The following JAK1 variants were observed in gnomAD, a reference collection of about 807,000 sequenced individuals.
The protein encoded by JAK1 is tyrosine-protein kinase JAK1.
Under a neutral mutation model 136.6 loss-of-function variants are expected in JAK1, and 16 were observed. The observed-to-expected ratio is 0.12, with a 90% CI of 0.08 to 0.18. JAK1 has a LOEUF of 0.18. Among genes scored for constraint, JAK1 ranks in the 10% least tolerant of loss-of-function variants. JAK1 has a pLI of 1.00. For missense variants in JAK1, 859 were observed against 1,450.1 expected, an observed-to-expected ratio of 0.59 and a Z score of 6.62; for synonymous variants, 492 against 519.5, an observed-to-expected ratio of 0.95 and a Z score of 0.72.
rs564635163 is a variant in JAK1 at position 64,855,712 on chromosome 1, G to A, written c.1459-14C>T. On this transcript the variant is annotated splice_polypyrimidine_tract_variant and intron_variant, in intron 10 of 24. Coordinates refer to ENST00000342505, the MANE Select transcript of JAK1 (RefSeq NM_002227.4). ...ACCCTGCACCTGCTATTCGGGAAAT[G>A]ACCAGAAATTACATGTTTAAAATGG... is the stretch of plus-strand genomic sequence containing the variant. 50 of 1,606,808 alleles carry A rather than the reference G, an allele frequency of 3.1e-5. No homozygotes were observed. The South Asian group carries it at 4.7e-4, about 15-fold the overall frequency.
intron 1 of JAK1, among the ~76,000 whole-genome samples, chr1:65,045,461 C>T (rs752358903): frequency 4.6e-5 from 7 of 152,100 alleles, no homozygotes; most frequent in Non-Finnish European, 8.8e-5. Context: ...CAAAAACCTT[C>T]TCTGTGATGT....
At chr1:64,950,573 C>T (rs1024113593) in intron 1 of JAK1, among the ~76,000 whole-genome samples, 6 of 152,162 alleles carry the variant, frequency 3.9e-5, no homozygotes, top group Admixed American at 2.6e-4. Context: ...GCTAGCCATC[C>T]GGCCAGCCCT....
intron 2 of JAK1, among the ~76,000 whole-genome samples, chr1:65,001,940 T>C (rs1267889631): frequency 6.6e-6 from 1 of 151,952 alleles, no homozygotes; most frequent in Non-Finnish European, 1.5e-5. Context: ...TTAAGGAGCG[T>C]GAGTGCCCTG....
At chr1:64,966,117 G>A (rs1646371976) in intron 1 of JAK1, among the ~76,000 whole-genome samples, 1 of 151,758 alleles carries the variant, frequency 6.6e-6, no homozygotes, top group African/African-American at 2.4e-5. Flanking sequence ...CCCGCCCGGC[G>A]ACCTCCTCGC....
intron 2 of JAK1, among the ~76,000 whole-genome samples, chr1:64,994,621 C>T (rs567873462): frequency 1.3e-5 from 2 of 152,008 alleles, no homozygotes; most frequent in African/African-American, 2.4e-5. Flanking sequence ...CCAAACACCT[C>T]TGATTAGGCT....
chr1:65,055,658 T>C (rs951387725), intron 1 of JAK1, among the ~76,000 whole-genome samples: 8 of 152,200 alleles, frequency 5.3e-5, no homozygotes, highest in African/African-American at 1.9e-4. Context: ...AAAAACCCCA[T>C]TGGATCTGTC....
At chr1:64,851,022 C>G in intron 11 of JAK1, 112 bp from the exon 12 acceptor site, 1 of 713,888 alleles carries the variant, frequency 1.4e-6, no homozygotes, top group Non-Finnish European at 2.5e-6. Flanking sequence ...CTTGCTGCTT[C>G]AGTCATTCGA....
chr1:64,965,996 G>T (rs1212603617), intron 1 of JAK1, among the ~76,000 whole-genome samples: 1 of 151,956 alleles, frequency 6.6e-6, no homozygotes, highest in East Asian at 1.9e-4. Context: ...ATCTCGGGGT[G>T]GTATAAACAG....
intron 2 of JAK1, among the ~76,000 whole-genome samples, chr1:65,021,910 A>G (rs1646941049): frequency 6.6e-6 from 1 of 152,224 alleles, no homozygotes; most frequent in African/African-American, 2.4e-5. Flanking sequence ...CCTGACTTTC[A>G]GACTCATTTG....
intron 1 of JAK1, among the ~76,000 whole-genome samples, chr1:64,901,883 T>C (rs1333023022): frequency 6.6e-6 from 1 of 152,222 alleles, no homozygotes; most frequent in Non-Finnish European, 1.5e-5. Flanking sequence ...AATGTGTGTG[T>C]CTGGCTTCTT....
At chr1:64,837,716 T>G (rs778056891) in intron 22 of JAK1, among the ~76,000 whole-genome samples, 1 of 152,240 alleles carries the variant, frequency 6.6e-6, no homozygotes, top group Non-Finnish European at 1.5e-5. Context: ...CGGTGTCATA[T>G]GAAGCTCAGT....
intron 2 of JAK1, among the ~76,000 whole-genome samples, chr1:65,039,597 T>G (rs996543950): frequency 1.3e-5 from 2 of 152,188 alleles, no homozygotes; most frequent in Admixed American, 6.5e-5. Context: ...TATTCTACTA[T>G]GGCTTCTCTC....
intron 2 of JAK1, among the ~76,000 whole-genome samples, chr1:64,883,845 A>G (rs1260290393): frequency 6.6e-6 from 1 of 152,154 alleles, no homozygotes; most frequent in Non-Finnish European, 1.5e-5. Flanking sequence ...ATGTTAAAGG[A>G]CTGATTATTA....
At chr1:65,061,040 A>G (rs1052240105) in intron 1 of JAK1, among the ~76,000 whole-genome samples, 11 of 152,226 alleles carry the variant, frequency 7.2e-5, no homozygotes, top group African/African-American at 1.9e-4. Context: ...ACTAGGAACA[A>G]TTTCTTCATA....
intron 1 of JAK1, among the ~76,000 whole-genome samples, chr1:65,053,414 T>C (rs1349895987): frequency 6.6e-6 from 1 of 151,956 alleles, no homozygotes; most frequent in Admixed American, 6.5e-5. Context: ...AATGCACCTG[T>C]AAATATGAAT....
At chr1:65,008,739 G>T (rs779536789) in intron 2 of JAK1, among the ~76,000 whole-genome samples, 6 of 151,542 alleles carry the variant, frequency 4.0e-5, no homozygotes, top group Non-Finnish European at 8.8e-5. Context: ...CCTGGCTGGA[G>T]TGCAGTGGCA....
At chr1:64,978,908 T>C (rs1310066381) in intron 2 of JAK1, among the ~76,000 whole-genome samples, 1 of 151,848 alleles carries the variant, frequency 6.6e-6, no homozygotes, top group Non-Finnish European at 1.5e-5. Flanking sequence ...AGCTCAGATA[T>C]CTCCTTAGTT....
chr1:64,931,943 G>A (rs1287819502), intron 1 of JAK1, among the ~76,000 whole-genome samples: 1 of 151,244 alleles, frequency 6.6e-6, no homozygotes, highest in Non-Finnish European at 1.5e-5. Flanking sequence ...ATGGATTTTG[G>A]CTCTAAAAAA....
intron 1 of JAK1, among the ~76,000 whole-genome samples, chr1:64,958,786 G>C (rs772848102): frequency 1.3e-5 from 2 of 152,158 alleles, no homozygotes; most frequent in Non-Finnish European, 2.9e-5. Flanking sequence ...GTGCAAGCAA[G>C]CCTCCAGATA....
Sources: gnomAD v4.1 joint callset for allele counts (sites outside exome capture counted in the v4.1 genomes callset) on GRCh38, gnomAD v4.1.1 for gene constraint, MANE v1.5 for transcripts, NCBI Gene and HGNC (gene_info 2026-07-23, HGNC 2026-07-21) for gene names.